Variants in RGS6 observed in about 807,000 individuals in gnomAD.
RGS6 encodes the protein regulator of G protein signaling 6.
A neutral mutation model predicts 78.5 loss-of-function variants in RGS6; 30 were observed. The observed-to-expected ratio is 0.38, with a 90% CI of 0.29 to 0.52. RGS6 has a LOEUF of 0.52. Ranked by LOEUF, RGS6 falls within the 20% of genes least tolerant of loss-of-function variation. RGS6 has a pLI of 0.85. For synonymous variants in RGS6, 206 were observed against 206.0 expected (o/e 1.00, Z 0.00); for missense variants, 495 against 609.7 (o/e 0.81, Z 1.98).
At chr14:72,454,091 A>G (rs553450257) in intron 3 of RGS6, among the ~76,000 whole-genome samples, 87 of 152,372 alleles carry the variant, frequency 5.7e-4, no homozygotes, top group African/African-American at 2.0e-3. Context: ...GGACACATTC[A>G]TTCAGGATAG....
chr14:72,459,341 G>C (rs2095715237), intron 5 of RGS6, among the ~76,000 whole-genome samples: 1 of 152,214 alleles, frequency 6.6e-6, no homozygotes, highest in South Asian at 2.1e-4. Flanking sequence ...AGTTATGCCA[G>C]CCTGACTTTT....
chr14:72,586,162 G>A, the RGS6 span, among the ~76,000 whole-genome samples: 2 of 152,156 alleles, frequency 1.3e-5, no homozygotes, highest in Non-Finnish European at 2.9e-5. Flanking sequence ...TTTTTGCAGA[G>A]CTTAGTGTTC....
chr14:72,129,393 A>C (rs74060670), intron 2 of RGS6, among the ~76,000 whole-genome samples: 10,219 of 152,296 alleles, frequency 0.067, 433 homozygotes, highest in African/African-American at 0.11. Context: ...TGGATGAACA[A>C]ACTGAAATAA....
the RGS6 span, among the ~76,000 whole-genome samples, chr14:71,917,895 C>T: frequency 6.6e-6 from 1 of 151,996 alleles, no homozygotes; most frequent in Non-Finnish European, 1.5e-5. Flanking sequence ...GCTTCTCGGC[C>T]GGGCGCGGTG....
intron 1 of RGS6, among the ~76,000 whole-genome samples, chr14:71,960,789 C>G (rs2093132191): frequency 6.6e-6 from 1 of 152,216 alleles, no homozygotes; most frequent in African/African-American, 2.4e-5. Context: ...CTTCAGATTT[C>G]TATGCCTGTG....
chr14:72,016,573 G>A (rs1371263390), intron 2 of RGS6, among the ~76,000 whole-genome samples: 3 of 152,080 alleles, frequency 2.0e-5, no homozygotes, highest in East Asian at 3.9e-4. Context: ...CACCGTGTTA[G>A]CCAGGATTGT....
At position 71,993,113 on chromosome 14, in the gene RGS6, G is replaced by A. The variant is rs148464132; in HGVS notation, c.84+28238G>A. 7.0e-3 allele frequency among the ~76,000 whole-genome samples: 1,064 copies of A among 152,298 alleles called. 12 individuals are homozygous for A. The highest frequency in any genetic ancestry group is 0.025 in the African/African-American group (1,034 of 41,552). Reference sequence around the variant, plus strand: ...TGGAAAAGTATTTAGTTTTAATGCAGCATTAATTAGACTCCTGGAATTGAA... The same window carrying A: ...TGGAAAAGTATTTAGTTTTAATGCAACATTAATTAGACTCCTGGAATTGAA... On this transcript the variant is annotated intron_variant, in intron 2 of 17. Transcript: ENST00000553525.
chr14:72,453,807 C>T (rs2095558886), intron 3 of RGS6, among the ~76,000 whole-genome samples: 1 of 152,078 alleles, frequency 6.6e-6, no homozygotes, highest in Non-Finnish European at 1.5e-5. Flanking sequence ...CCGTGGCTCC[C>T]TGCCTATTGT....
At chr14:72,031,621 G>C (rs1159689002) in intron 2 of RGS6, among the ~76,000 whole-genome samples, 2 of 152,196 alleles carry the variant, frequency 1.3e-5, no homozygotes, top group African/African-American at 4.8e-5. Context: ...TCCATGCACA[G>C]GCACTCACAG....
intron 2 of RGS6, among the ~76,000 whole-genome samples, chr14:72,291,252 A>G (rs2063525152): frequency 6.6e-6 from 1 of 151,886 alleles, no homozygotes; most frequent in South Asian, 2.1e-4. Context: ...GCCACTCTCC[A>G]TAGTTATATG....
At chr14:71,934,088 T>A (rs977272673) in intron 1 of RGS6, among the ~76,000 whole-genome samples, 2 of 152,218 alleles carry the variant, frequency 1.3e-5, no homozygotes, top group Non-Finnish European at 2.9e-5. Flanking sequence ...ATGTATATTC[T>A]TTATTCTTAA....
chr14:72,390,462 T>C (rs527382415), intron 3 of RGS6, among the ~76,000 whole-genome samples: 2 of 152,032 alleles, frequency 1.3e-5, no homozygotes, highest in South Asian at 4.2e-4. Flanking sequence ...TCTGAAAAAG[T>C]CCTCATTATA....
intron 2 of RGS6, among the ~76,000 whole-genome samples, chr14:72,036,251 T>G (rs561725801): frequency 3.4e-5 from 5 of 146,682 alleles, no homozygotes; most frequent in Non-Finnish European, 7.5e-5. Flanking sequence ...AATTCCACTG[T>G]GTGAACATAA....
chr14:72,547,359 G>A (rs1200328664), intron 17 of RGS6: 1 of 1,535,112 alleles, frequency 6.5e-7, no homozygotes, highest in Non-Finnish European at 8.7e-7. Flanking sequence ...GGACTTCAAA[G>A]GCTAAGAAGT....
chr14:72,449,254 T>C (rs2153224384), intron 3 of RGS6, among the ~76,000 whole-genome samples: 1 of 152,328 alleles, frequency 6.6e-6, no homozygotes, highest in African/African-American at 2.4e-5. Context: ...ACAGTCAAGA[T>C]TGATAATTAG....
At chr14:72,347,767 T>C (rs970423408) in intron 2 of RGS6, among the ~76,000 whole-genome samples, 1 of 152,196 alleles carries the variant, frequency 6.6e-6, no homozygotes, top group Non-Finnish European at 1.5e-5. Flanking sequence ...TATATATGCC[T>C]CTGTTCTGTA....
intron 2 of RGS6, among the ~76,000 whole-genome samples, chr14:72,168,009 C>T (rs911854135): frequency 1.8e-4 from 28 of 152,078 alleles, no homozygotes; most frequent in Admixed American, 3.9e-4. Flanking sequence ...GCAGTAATTG[C>T]GGAGAACCCT....
the RGS6 span, among the ~76,000 whole-genome samples, chr14:72,581,332 C>A: frequency 3.9e-5 from 6 of 152,118 alleles, no homozygotes; most frequent in Non-Finnish European, 8.8e-5. Flanking sequence ...GCCTCCATAT[C>A]CAATCATTTG....
intron 2 of RGS6, among the ~76,000 whole-genome samples, chr14:71,982,740 C>T (rs1369732148): frequency 6.6e-6 from 1 of 152,222 alleles, no homozygotes; most frequent in Non-Finnish European, 1.5e-5. Flanking sequence ...GGCTCATCTT[C>T]TTAGTTTTCT....
Sources: gnomAD v4.1 joint callset for allele counts (sites outside exome capture counted in the v4.1 genomes callset) on GRCh38, gnomAD v4.1.1 for gene constraint, MANE v1.5 for transcripts, NCBI Gene and HGNC (gene_info 2026-07-23, HGNC 2026-07-21) for gene names.